The following GFRA3 variants were observed in gnomAD, a reference collection of about 807,000 sequenced individuals.
The protein encoded by GFRA3 is GDNF family receptor alpha 3.
Under a neutral mutation model 40.0 loss-of-function variants are expected in GFRA3, and 24 were observed. The ratio of observed to expected loss-of-function variants is 0.60; its 90% confidence interval spans 0.43 to 0.84. The LOEUF (loss-of-function observed/expected upper bound fraction) is 0.84, where lower values mean the gene tolerates loss of function less well. Among genes scored for constraint, GFRA3 ranks in the 40% least tolerant of loss-of-function variants. GFRA3 has a pLI of 0.00. For missense variants in GFRA3, 405 were observed against 530.6 expected (o/e 0.76, Z 2.33); for synonymous variants, 203 against 213.5 (o/e 0.95, Z 0.43).
intron 4 of GFRA3, among the ~76,000 whole-genome samples, chr5:138,256,546 A>AC (rs1261820481): frequency 3.9e-5 from 5 of 128,858 alleles, no homozygotes; most frequent in Admixed American, 3.3e-4. Flanking sequence ...CAAACAAAAA[A>AC]AAACAAACAA....
chr5:138,255,383 G>A (rs1382830566), intron 4 of GFRA3, among the ~76,000 whole-genome samples: 1 of 152,140 alleles, frequency 6.6e-6, no homozygotes, highest in Non-Finnish European at 1.5e-5. Context: ...GCAAACCAAG[G>A]TTATTGTCAA....
At chr5:138,268,945 A>C (rs1755827004) in intron 1 of GFRA3, among the ~76,000 whole-genome samples, 1 of 151,798 alleles carries the variant, frequency 6.6e-6, no homozygotes, top group Non-Finnish European at 1.5e-5. Flanking sequence ...AAAAAGAAAA[A>C]GAAAAAAACA....
intron 1 of GFRA3, 62 bp downstream of exon 1, chr5:138,274,272 T>A: frequency 7.6e-7 from 1 of 1,308,248 alleles, no homozygotes; most frequent in Non-Finnish European, 9.8e-7. Context: ...GCCCCGGGCC[T>A]CGCCTACACC....
At chr5:138,271,182 C>G (rs6596427) in intron 1 of GFRA3, among the ~76,000 whole-genome samples, 148,422 of 152,138 alleles carry the variant, frequency 0.98, 72,513 homozygotes, top group Middle Eastern at 1. Context: ...AGTAGAGATG[C>G]GATTTCTCGA....
At position 138,252,401 on chromosome 5, in the gene GFRA3, G is replaced by A. The variant is rs767265839; in HGVS notation, c.*567C>T. ...AGTCTTAAGTCAAAGGTTTAATCAT[G>A]ATCCAAGAGCCCAGAGAGACTTTAG... On this transcript the variant is annotated 3_prime_UTR_variant, in exon 8 of 8. Transcript: ENST00000274721. 3.9e-5 allele frequency: 6 copies of A among 152,848 alleles called. No individual in the cohort carries two copies. The highest frequency in any genetic ancestry group is 8.8e-5 in the Non-Finnish European group (6 of 68,246). 9.5% of individuals were successfully genotyped at this position (152,848 alleles called of 1,614,324 possible). A position where few individuals can be genotyped will look rare whatever the true frequency, so the allele number is the denominator to read the frequency against.
At position 138,267,970 on chromosome 5, in the gene GFRA3, C is replaced by T. The variant is rs1755810581; in HGVS notation, c.92-3422G>A. Among the ~76,000 whole-genome samples, 3 of 152,210 alleles carry T rather than the reference C, an allele frequency of 2.0e-5. No homozygotes were observed. In the South Asian group the frequency reaches 6.2e-4, roughly 32 times the overall value. On this transcript the variant is annotated intron_variant, in intron 1 of 7. Transcript: ENST00000274721. Reference sequence around the variant, plus strand: ...AATGAAACTGGGTCCTCATCTCTCACCTTATACAAAAATCAACTCAAGATG... The same window carrying T: ...AATGAAACTGGGTCCTCATCTCTCATCTTATACAAAAATCAACTCAAGATG...
At chr5:138,268,284 G>GAAAAAAAAAAAAAAAAAAAAAAA (rs60958894) in intron 1 of GFRA3, among the ~76,000 whole-genome samples, 1 of 33,150 alleles carries the variant, frequency 3.0e-5, no homozygotes, top group Non-Finnish European at 5.2e-5. Context: ...GACTCCATCT[G>GAAAAAAAAAAAAAAAAAAAAAAA]AAAAAAAAAA....
At chr5:138,257,433 C>T (rs989911935) in intron 4 of GFRA3, among the ~76,000 whole-genome samples, 1 of 152,074 alleles carries the variant, frequency 6.6e-6, no homozygotes, top group African/African-American at 2.4e-5. Flanking sequence ...TTTTATATTT[C>T]CTGAGGTTTT....
In GFRA3 at chr5:138,264,453, G is replaced by T; in HGVS notation, c.187C>A (p.His63Asn). 1 of 1,613,774 alleles carries T rather than the reference G, an allele frequency of 6.2e-7. No homozygotes were observed. Among genetic ancestry groups the T allele is most frequent in the African/African-American group, 1.3e-5 (1 of 75,032 alleles). ...ADPTCSAAYH[H>N]LDSCTSSIST... is the part of the protein sequence containing the mutation. ...ATGCTAGAGGTGCAGGAATCCAGGT[G>T]GTGGTAGGCAGCACTGCAGGTGGGA... Residue 63 changes from histidine to asparagine, a missense_variant, in exon 2 of 8, where the codon CAC becomes AAC. Transcript: ENST00000274721.
At chr5:138,262,185 G>A (rs1236422572) in intron 2 of GFRA3, among the ~76,000 whole-genome samples, 1 of 152,198 alleles carries the variant, frequency 6.6e-6, no homozygotes, top group Non-Finnish European at 1.5e-5. Flanking sequence ...AGCAGGCTGA[G>A]AATGCGGCTC....
chr5:138,273,122 CAT>C (rs1200667535), intron 1 of GFRA3, among the ~76,000 whole-genome samples: 1 of 152,208 alleles, frequency 6.6e-6, no homozygotes, highest in Non-Finnish European at 1.5e-5. Flanking sequence ...ATTTTCAGTA[CAT>C]GACACCACTT....
At chr5:138,256,509 CAGAG>C (rs1239157091) in intron 4 of GFRA3, among the ~76,000 whole-genome samples, 1 of 143,210 alleles carries the variant, frequency 7.0e-6, no homozygotes, top group East Asian at 2.0e-4. Flanking sequence ...GCCTGGATGA[CAGAG>C]AGAGACTCCA....
chr5:138,256,752 G>A (rs993564570), intron 4 of GFRA3, among the ~76,000 whole-genome samples: 2 of 151,634 alleles, frequency 1.3e-5, no homozygotes, highest in African/African-American at 2.4e-5. Flanking sequence ...TTCGAGACCA[G>A]CCTGGCCAAC....
Position 138,257,627 on chromosome 5 carries a change from C to T in GFRA3, c.785+12G>A. 6.2e-7 allele frequency: 1 copy of T among 1,603,860 alleles called. No homozygotes were observed. Among genetic ancestry groups the T allele is most frequent in the Non-Finnish European group, 8.5e-7 (1 of 1,176,884 alleles). ...CTCATCCCTGCCCACCCTGTCCTCC[C>T]AAACTACACACCTGCAAAGCGGGTC... On this transcript the variant is annotated intron_variant, in intron 4 of 7. Transcript: ENST00000274721.
intron 1 of GFRA3, among the ~76,000 whole-genome samples, chr5:138,265,497 C>T (rs939092003): frequency 1.3e-5 from 2 of 152,066 alleles, no homozygotes; most frequent in South Asian, 4.1e-4. Flanking sequence ...GGATTACAGG[C>T]GTGAGCCACC....
At position 138,271,580 on chromosome 5, in the gene GFRA3, CCTTTT is replaced by C. The variant is rs1340338263; in HGVS notation, c.91+2749_91+2753del. On this transcript the variant is annotated intron_variant, in intron 1 of 7. Transcript: ENST00000274721. Reference sequence around the variant, plus strand: ...TCCTTTCTTTTTCTTTCTCCTTTCTCCTTTTCTTTTCTTTCTTTTAATCTCTGTCA... The same window carrying C: ...TCCTTTCTTTTTCTTTCTCCTTTCTCCTTTTCTTTCTTTTAATCTCTGTCA... Among the ~76,000 whole-genome samples the C allele has an allele frequency of 1.1e-4, 17 of 151,886 alleles. No homozygotes were observed. The South Asian group carries it at 2.1e-3, about 19-fold the overall frequency.
intron 2 of GFRA3, among the ~76,000 whole-genome samples, chr5:138,262,960 T>C (rs1313796413): frequency 3.9e-5 from 6 of 152,070 alleles, no homozygotes; most frequent in Non-Finnish European, 5.9e-5. Flanking sequence ...TGTTTGTTTG[T>C]TTGCTTTTTG....
intron 4 of GFRA3, among the ~76,000 whole-genome samples, chr5:138,255,899 CA>C (rs35650002): frequency 0.36 from 38,248 of 106,764 alleles, 5,866 homozygotes; most frequent in South Asian, 0.48. Flanking sequence ...GACTCTGTCT[CA>C]AAAAAAAAAA....
At chr5:138,270,621 G>A (rs1687344896) in intron 1 of GFRA3, among the ~76,000 whole-genome samples, 1 of 151,962 alleles carries the variant, frequency 6.6e-6, no homozygotes, top group African/African-American at 2.4e-5. Context: ...ATACTTCTTG[G>A]GTGATGGGTA....
Sources: gnomAD v4.1 joint callset for allele counts (sites outside exome capture counted in the v4.1 genomes callset) on GRCh38, gnomAD v4.1.1 for gene constraint, MANE v1.5 for transcripts, NCBI Gene and HGNC (gene_info 2026-07-23, HGNC 2026-07-21) for gene names.